The following MRPS6 variants were observed in gnomAD, a reference collection of about 807,000 sequenced individuals.
The protein encoded by MRPS6 is small ribosomal subunit protein bS6m.
MRPS6 carries 6 observed loss-of-function variants against 13.1 expected under a neutral mutation model. The ratio of observed to expected loss-of-function variants is 0.46; its 90% CI spans 0.25 to 0.91. The LOEUF is 0.91. Ranked by LOEUF, MRPS6 falls within the 40% of genes least tolerant of loss-of-function variation. The pLI, the probability that MRPS6 is intolerant of heterozygous loss-of-function variation, is 0.18. For missense variants in MRPS6, 164 were observed against 155.6 expected, an observed-to-expected ratio of 1.05 and a Z score of -0.29; for synonymous variants, 61 against 56.5, an observed-to-expected ratio of 1.08 and a Z score of -0.36.
Position 34,103,315 on chromosome 21 carries a change from T to TAAAAAA in MRPS6, c.46-22015_46-22010dup, listed in dbSNP as rs11433558. The TAAAAAA allele has an allele frequency of 5.4e-4, 490 of 911,290 alleles. No homozygotes were observed. The South Asian group carries it at 8.2e-3, about 15-fold the overall frequency. The allele number at this position is 911,290 out of a possible 1,614,324, so 56.5% of individuals were successfully genotyped here. ...ATTTTGTCGTAACTAGTGAAGGAAG[T>TAAAAAA]AAAAAAAAAAAAAAAACATGCATTA... On this transcript the variant is annotated intron_variant, in intron 1 of 2. Coordinates refer to ENST00000399312, the MANE Select transcript of MRPS6 (RefSeq NM_032476.4).
chr21:34,092,204 A>G (rs1978733472), intron 1 of MRPS6, among the ~76,000 whole-genome samples: 1 of 152,186 alleles, frequency 6.6e-6, no homozygotes, highest in Non-Finnish European at 1.5e-5. Flanking sequence ...ACTGAAATTC[A>G]AGGCTGTGAC....
intron 1 of MRPS6, among the ~76,000 whole-genome samples, chr21:34,075,037 C>T (rs1989293334): frequency 6.6e-6 from 1 of 152,162 alleles, no homozygotes; most frequent in Non-Finnish European, 1.5e-5. Context: ...CTTGAATATC[C>T]CTTTTGGCCC....
At chr21:34,130,417 C>T (rs1418676806) in intron 2 of MRPS6, among the ~76,000 whole-genome samples, 6 of 152,160 alleles carry the variant, frequency 3.9e-5, no homozygotes, top group Admixed American at 6.5e-5. Flanking sequence ...GGCTAGGCCT[C>T]TCCAGGGGAG....
chr21:34,077,149 G>A (rs1989351864), intron 1 of MRPS6, among the ~76,000 whole-genome samples: 1 of 152,198 alleles, frequency 6.6e-6, no homozygotes, highest in South Asian at 2.1e-4. Flanking sequence ...AATGGTTGAA[G>A]CCCTTTGGTT....
intron 1 of MRPS6, among the ~76,000 whole-genome samples, chr21:34,107,410 C>T (rs1979522746): frequency 6.6e-6 from 1 of 152,188 alleles, no homozygotes; most frequent in Non-Finnish European, 1.5e-5. Context: ...GTCCCATTAT[C>T]GATGATACTA....
chr21:34,095,309 T>C, intron 1 of MRPS6: 2 of 1,614,044 alleles, frequency 1.2e-6, no homozygotes, highest in Non-Finnish European at 1.7e-6. Flanking sequence ...GCACCGTGAG[T>C]GGATACTTCC....
intron 1 of MRPS6, chr21:34,103,234 G>A: frequency 1.0e-6 from 1 of 999,140 alleles, no homozygotes; most frequent in Non-Finnish European, 1.2e-6. Flanking sequence ...TATTGACTCT[G>A]CTAGTTTGCA....
chr21:34,077,220 A>G (rs1187210652), intron 1 of MRPS6, among the ~76,000 whole-genome samples: 5 of 152,262 alleles, frequency 3.3e-5, no homozygotes, highest in Admixed American at 1.3e-4. Flanking sequence ...TGAAGTGCCA[A>G]TACATGAATG....
chr21:34,096,062 A>G lies in MRPS6; in HGVS notation c.45+22317A>G, dbSNP rs781780401. On this transcript the variant is annotated intron_variant, in intron 1 of 2. Coordinates refer to ENST00000399312, the MANE Select transcript of MRPS6 (RefSeq NM_032476.4). The surrounding 1 kb of genome is among the most constrained non-coding windows in gnomAD (Gnocchi z 5.9). Reference sequence around the variant, plus strand: ...AAGTCATCGTGCAGAGGGTCCTTGCAGCCAAAAACATTGCTCATGCCAAAG... The same window carrying G: ...AAGTCATCGTGCAGAGGGTCCTTGCGGCCAAAAACATTGCTCATGCCAAAG... 6.2e-7 allele frequency: 1 copy of G among 1,614,132 alleles called. No individual in the cohort carries two copies. Among genetic ancestry groups the G allele is most frequent in the South Asian group, 1.1e-5 (1 of 91,082 alleles).
chr21:34,096,434 G>C lies in MRPS6; in HGVS notation c.45+22689G>C. ...CCCGGGAGTTAATGATTGTGGGGAG[G>C]ATATTTGTGGCATTTATGGTGGTGA... On this transcript the variant is annotated intron_variant, in intron 1 of 2. Transcript: ENST00000399312. This position sits in a 1 kb window ranked among gnomAD's most constrained non-coding sequence, Gnocchi z 5.9. The C allele has an allele frequency of 1.2e-6, 2 of 1,614,196 alleles. No homozygotes were observed. Among genetic ancestry groups the C allele is most frequent in the Non-Finnish European group, 1.7e-6 (2 of 1,180,028 alleles).
At chr21:34,104,767 A>G in intron 1 of MRPS6, 1 of 1,000,310 alleles carries the variant, frequency 1.0e-6, no homozygotes, top group Non-Finnish European at 1.2e-6. Flanking sequence ...GCTTAGCAAC[A>G]TGTGATAATG....
At chr21:34,088,582 A>G (rs1055901221) in intron 1 of MRPS6, among the ~76,000 whole-genome samples, 7 of 152,238 alleles carry the variant, frequency 4.6e-5, no homozygotes, top group Non-Finnish European at 8.8e-5. Flanking sequence ...TCTTTTATCA[A>G]TATCGTTAAT....
intron 1 of MRPS6, chr21:34,095,763 G>T (rs755580854): frequency 6.2e-7 from 1 of 1,613,976 alleles, no homozygotes; most frequent in Non-Finnish European, 8.5e-7. Flanking sequence ...CACTCTGCAG[G>T]CTCTGCTCAT....
chr21:34,114,404 CAG>C (rs1317863720), intron 1 of MRPS6, among the ~76,000 whole-genome samples: 1 of 152,022 alleles, frequency 6.6e-6, no homozygotes, highest in African/African-American at 2.4e-5. Context: ...GCAATTCAGC[CAG>C]AGTCATTCAT....
Position 34,142,809 on chromosome 21 carries a change from A to G in MRPS6, c.*209A>G, listed in dbSNP as rs574758091. 133 of 462,960 alleles carry G rather than the reference A, an allele frequency of 2.9e-4. No homozygotes were observed. The highest frequency in any genetic ancestry group is 5.5e-4 in the Middle Eastern group (1 of 1,808). 28.7% of individuals were successfully genotyped at this position (462,960 alleles called of 1,614,324 possible). A position where few individuals can be genotyped will look rare whatever the true frequency, so the allele number is the denominator to read the frequency against. ...CAGCTTCTCTGTAACCTGCAGTACC[A>G]GTGGATCGTTCTTGATTTTGTTTTC... is the stretch of plus-strand genomic sequence containing the variant. On this transcript the variant is annotated 3_prime_UTR_variant, in exon 3 of 3. Coordinates refer to ENST00000399312, the MANE Select transcript of MRPS6 (RefSeq NM_032476.4).
At chr21:34,133,810 C>T (rs1205447541) in intron 2 of MRPS6, among the ~76,000 whole-genome samples, 3 of 152,150 alleles carry the variant, frequency 2.0e-5, no homozygotes, top group East Asian at 1.9e-4. Flanking sequence ...AAGGAAGAGG[C>T]GGGAGCTCAG....
At chr21:34,105,786 G>A (rs565347835) in intron 1 of MRPS6, 12 of 994,714 alleles carry the variant, frequency 1.2e-5, no homozygotes, top group Non-Finnish European at 1.3e-5. Flanking sequence ...CCATCTCATT[G>A]TACAGTGTTT....
intron 1 of MRPS6, chr21:34,103,169 A>G: frequency 4.0e-6 from 4 of 1,000,052 alleles, no homozygotes; most frequent in Non-Finnish European, 4.8e-6. Flanking sequence ...GGTATTCCAT[A>G]ATATAACCAG....
At chr21:34,119,417 A>G (rs943654855) in intron 1 of MRPS6, among the ~76,000 whole-genome samples, 7 of 152,202 alleles carry the variant, frequency 4.6e-5, no homozygotes, top group Non-Finnish European at 7.3e-5. Flanking sequence ...TTTAAATTGC[A>G]AGGAAATTTT....
Sources: allele counts gnomAD v4.1 joint callset (sites outside exome capture counted in the v4.1 genomes callset), GRCh38; gene constraint gnomAD v4.1.1; non-coding constraint Gnocchi (gnomAD v3.1); transcripts MANE v1.5; gene names NCBI Gene and HGNC (gene_info 2026-07-23, HGNC 2026-07-21).